PKNOX2: variants seen among roughly 807,000 people sequenced by gnomAD.
The protein encoded by PKNOX2 is PBX/knotted 1 homeobox 2.
Under a neutral mutation model 53.1 loss-of-function variants are expected in PKNOX2, and 14 were observed. The ratio of observed to expected loss-of-function variants is 0.26; its 90% CI spans 0.17 to 0.41. PKNOX2 has a LOEUF of 0.41. Ranked by LOEUF, PKNOX2 falls within the 10% of genes least tolerant of loss-of-function variation. The pLI is 1.00. For synonymous variants in PKNOX2, 257 were observed against 242.8 expected (o/e 1.06, Z -0.54); for missense variants, 496 against 602.8 (o/e 0.82, Z 1.85).
At chr11:125,411,507 TCTC>T (rs1955535685) in intron 9 of PKNOX2, 9 of 375,308 alleles carry the variant, frequency 2.4e-5, no homozygotes, top group East Asian at 5.1e-5. Flanking sequence ...TCTCTCTCTC[TCTC>T]CCCCCCTTCC....
At chr11:125,249,649 G>C (rs942797931) in intron 2 of PKNOX2, among the ~76,000 whole-genome samples, 1 of 152,152 alleles carries the variant, frequency 6.6e-6, no homozygotes, top group Non-Finnish European at 1.5e-5. Flanking sequence ...TCACGGATTC[G>C]AGTGTCCATG....
At chr11:125,319,499 C>T (rs1053015424) in intron 2 of PKNOX2, among the ~76,000 whole-genome samples, 14 of 152,110 alleles carry the variant, frequency 9.2e-5, no homozygotes, top group Admixed American at 3.9e-4. Context: ...CAAAGTGAAG[C>T]GCAATAAAAT....
At chr11:125,173,250 C>T (rs1196912990) in intron 1 of PKNOX2, among the ~76,000 whole-genome samples, 2 of 152,218 alleles carry the variant, frequency 1.3e-5, no homozygotes, top group Non-Finnish European at 2.9e-5. Context: ...AAAGCTCATT[C>T]TCACATGCCC....
At chr11:125,367,749 C>G (rs756451404) in intron 4 of PKNOX2, 97 bp from the exon 5 acceptor site, 1 of 1,342,112 alleles carries the variant, frequency 7.5e-7, no homozygotes, top group African/African-American at 1.5e-5. Flanking sequence ...TGCTCTCCTC[C>G]GGGCACAGCA....
At chr11:125,408,037 G>A (rs958524405) in intron 7 of PKNOX2, among the ~76,000 whole-genome samples, 4 of 152,158 alleles carry the variant, frequency 2.6e-5, no homozygotes, top group Admixed American at 2.6e-4. Context: ...TGTTCACCTT[G>A]CCTGCAATGA....
intron 2 of PKNOX2, among the ~76,000 whole-genome samples, chr11:125,298,676 T>C (rs767115113): frequency 2.8e-4 from 43 of 152,166 alleles, no homozygotes; most frequent in Non-Finnish European, 5.6e-4. Flanking sequence ...TTGGGATGAA[T>C]GAATGAATGA....
At chr11:125,320,283 C>T (rs1949446433) in intron 2 of PKNOX2, among the ~76,000 whole-genome samples, 1 of 152,182 alleles carries the variant, frequency 6.6e-6, no homozygotes, top group East Asian at 1.9e-4. Context: ...CCTTTTCTAA[C>T]ACAGCAGAGA....
At chr11:125,280,926 A>G (rs530647888) in intron 2 of PKNOX2, among the ~76,000 whole-genome samples, 1 of 152,284 alleles carries the variant, frequency 6.6e-6, no homozygotes, top group African/African-American at 2.4e-5. Context: ...CAGGAGGCCA[A>G]GAGTCTGAGG....
At chr11:125,251,708 C>A (rs1265545107) in intron 2 of PKNOX2, among the ~76,000 whole-genome samples, 3 of 151,358 alleles carry the variant, frequency 2.0e-5, no homozygotes, top group Non-Finnish European at 4.4e-5. Context: ...CTCTCTTCCT[C>A]CATTCCTGCT....
chr11:125,294,929 G>A (rs553903085), intron 2 of PKNOX2, among the ~76,000 whole-genome samples: 1 of 152,152 alleles, frequency 6.6e-6, no homozygotes, highest in South Asian at 2.1e-4. Flanking sequence ...GTAAACACCA[G>A]GCGGAGGAAC....
intron 1 of PKNOX2, among the ~76,000 whole-genome samples, chr11:125,172,010 A>G (rs1955356942): frequency 6.6e-6 from 1 of 152,234 alleles, no homozygotes; most frequent in South Asian, 2.1e-4. Flanking sequence ...GAGTGGAGTC[A>G]CAGGGCAGAC....
intron 1 of PKNOX2, among the ~76,000 whole-genome samples, chr11:125,193,093 T>C (rs938138154): frequency 1.2e-4 from 19 of 152,214 alleles, no homozygotes; most frequent in African/African-American, 4.1e-4. Flanking sequence ...TCTCGCTAGA[T>C]AGATTACATT....
chr11:125,251,462 TA>T (rs1265569849), intron 2 of PKNOX2, among the ~76,000 whole-genome samples: 1 of 152,248 alleles, frequency 6.6e-6, no homozygotes, highest in African/African-American at 2.4e-5. Context: ...CAGCTTCTTT[TA>T]TTTTATAGGG....
chr11:125,196,674 C>T (rs1025513949), intron 1 of PKNOX2, among the ~76,000 whole-genome samples: 3 of 152,190 alleles, frequency 2.0e-5, no homozygotes, highest in Non-Finnish European at 4.4e-5. Context: ...CAAGCTGCCT[C>T]ACCTCTCTGG....
intron 1 of PKNOX2, among the ~76,000 whole-genome samples, chr11:125,214,162 G>A (rs1034344348): frequency 3.3e-5 from 5 of 152,088 alleles, no homozygotes; most frequent in African/African-American, 7.2e-5. Context: ...TAATGTCTAC[G>A]CTGTGCCATC....
intron 2 of PKNOX2, among the ~76,000 whole-genome samples, chr11:125,292,162 G>A (rs1020104091): frequency 5.3e-5 from 8 of 152,268 alleles, no homozygotes; most frequent in Admixed American, 6.5e-5. Flanking sequence ...TCTCCAGTCC[G>A]CCTCCCCAGC....
At chr11:125,280,566 C>T (rs1946489988) in intron 2 of PKNOX2, among the ~76,000 whole-genome samples, 1 of 152,204 alleles carries the variant, frequency 6.6e-6, no homozygotes, top group Non-Finnish European at 1.5e-5. Flanking sequence ...TCTTCTCTAG[C>T]TTTTCCTGTG....
intron 2 of PKNOX2, among the ~76,000 whole-genome samples, chr11:125,241,671 A>G (rs955893224): frequency 5.3e-5 from 8 of 152,312 alleles, no homozygotes; most frequent in African/African-American, 1.9e-4. Context: ...ACTGACCAAC[A>G]TGGTGAAACC....
intron 1 of PKNOX2, among the ~76,000 whole-genome samples, chr11:125,226,452 G>A (rs553726392): frequency 1.1e-4 from 17 of 152,280 alleles, no homozygotes; most frequent in Admixed American, 7.2e-4. Flanking sequence ...TGGTACAGCC[G>A]CTGGGTTGAA....
Sources: allele counts gnomAD v4.1 joint callset (sites outside exome capture counted in the v4.1 genomes callset), GRCh38; gene constraint gnomAD v4.1.1; transcripts MANE v1.5; gene names NCBI Gene and HGNC (gene_info 2026-07-23, HGNC 2026-07-21).